The following COL4A1 variants were observed in gnomAD, a reference collection of about 807,000 sequenced individuals.
COL4A1 encodes the protein collagen type IV alpha 1 chain, also known as collagen alpha-1(IV) chain.
In COL4A1, 40 loss-of-function variants were observed where a neutral mutation model predicts 216.6. The ratio of observed to expected loss-of-function variants is 0.18; its 90% CI spans 0.14 to 0.24. COL4A1 has a LOEUF of 0.24. Ranked by LOEUF, COL4A1 falls within the 10% of genes least tolerant of loss-of-function variation. The pLI, the probability that COL4A1 is intolerant of heterozygous loss-of-function variation, is 1.00. For synonymous variants in COL4A1, 839 were observed against 810.7 expected, an observed-to-expected ratio of 1.03 and a Z score of -0.59; for missense variants, 1,628 against 2,196.8, an observed-to-expected ratio of 0.74 and a Z score of 5.18.
At chr13:110,295,413 G>C (rs1254852135) in intron 1 of COL4A1, among the ~76,000 whole-genome samples, 1 of 140,774 alleles carries the variant, frequency 7.1e-6, no homozygotes, top group Non-Finnish European at 1.5e-5. Flanking sequence ...TATTCTTGTA[G>C]TTCACTTCCT....
At chr13:110,217,831 T>C (rs527710303) in intron 2 of COL4A1, among the ~76,000 whole-genome samples, 13 of 152,332 alleles carry the variant, frequency 8.5e-5, no homozygotes, top group African/African-American at 3.1e-4. Context: ...AAATTAGGCA[T>C]TGTAAATTAG....
chr13:110,271,536 C>G (rs1023734857), intron 1 of COL4A1, among the ~76,000 whole-genome samples: 10 of 152,134 alleles, frequency 6.6e-5, no homozygotes, highest in African/African-American at 2.2e-4. Context: ...CATCAGATAA[C>G]CCAGGTTGAA....
chr13:110,164,932 C>A lies in COL4A1; in HGVS notation c.4080G>T (p.Gly1360=), dbSNP rs746538499. Residue 1360 remains glycine, a synonymous_variant, in exon 46 of 52, where the codon GGG becomes GGT. Transcript: ENST00000375820. ...CTGGGGGGCCCTCAGGACCAGGGAGCCCGGGCTCCCCTTTGATGATGTCGT... is the reference window on the plus strand; with the variant it reads ...CTGGGGGGCCCTCAGGACCAGGGAGACCGGGCTCCCCTTTGATGATGTCGT... ...GPYDIIKGEP[G]LPGPEGPPGL... 1 of 1,604,886 alleles carries A rather than the reference C, an allele frequency of 6.2e-7. No homozygotes were observed. Among genetic ancestry groups the A allele is most frequent in the South Asian group, 1.1e-5 (1 of 89,306 alleles).
At chr13:110,291,411 C>T (rs1301849613) in intron 1 of COL4A1, among the ~76,000 whole-genome samples, 1 of 152,178 alleles carries the variant, frequency 6.6e-6, no homozygotes, top group Non-Finnish European at 1.5e-5. Flanking sequence ...TCTTCCATGT[C>T]GGGATGTGCT....
rs558391657 is a variant in COL4A1 at position 110,248,880 on chromosome 13, G to A, written c.85-6146C>T. 2.6e-5 allele frequency among the ~76,000 whole-genome samples: 4 copies of A among 152,288 alleles called. No individual in the cohort carries two copies. The South Asian group carries it at 8.3e-4, about 32-fold the overall frequency. On this transcript the variant is annotated intron_variant, in intron 1 of 51. Coordinates refer to ENST00000375820, the MANE Select transcript of COL4A1 (RefSeq NM_001845.6). ...AAGATAACCACACACAGATGCAGCAGGCACTCACACTTTTTTCGGATAGCG... is the reference window on the plus strand; with the variant it reads ...AAGATAACCACACACAGATGCAGCAAGCACTCACACTTTTTTCGGATAGCG...
chr13:110,161,446 T>G, intron 48 of COL4A1, 77 bp from the exon 49 acceptor site: 2 of 1,487,146 alleles, frequency 1.3e-6, no homozygotes, highest in Non-Finnish European at 1.8e-6. Flanking sequence ...GGATTTCAGC[T>G]GGACAACAAG....
chr13:110,231,763 T>C (rs1208693218), intron 2 of COL4A1, among the ~76,000 whole-genome samples: 5 of 152,202 alleles, frequency 3.3e-5, no homozygotes, highest in African/African-American at 1.2e-4. Context: ...CAGATGTCAT[T>C]CCTTTACCAA....
chr13:110,263,488 C>T (rs1882907312), intron 1 of COL4A1, among the ~76,000 whole-genome samples: 1 of 152,182 alleles, frequency 6.6e-6, no homozygotes, highest in African/African-American at 2.4e-5. Context: ...GGATCTCGCT[C>T]TGTTGCCCAG....
At chr13:110,288,335 A>G (rs1320871819) in intron 1 of COL4A1, among the ~76,000 whole-genome samples, 4 of 151,958 alleles carry the variant, frequency 2.6e-5, no homozygotes, top group Non-Finnish European at 4.4e-5. Context: ...TGCTACTATG[A>G]GCCTTGAAAC....
At chr13:110,283,609 C>A (rs1207350104) in intron 1 of COL4A1, among the ~76,000 whole-genome samples, 1 of 152,214 alleles carries the variant, frequency 6.6e-6, no homozygotes, top group Non-Finnish European at 1.5e-5. Context: ...TACAGGCACA[C>A]ATATGAACAC....
At chr13:110,159,515 G>A (rs1388744823) in intron 49 of COL4A1, among the ~76,000 whole-genome samples, 3 of 152,174 alleles carry the variant, frequency 2.0e-5, no homozygotes, top group African/African-American at 4.8e-5. Flanking sequence ...AATGTAAAGG[G>A]TGTGGCCACT....
intron 21 of COL4A1, 103 bp downstream of exon 21, chr13:110,198,364 T>G (rs552193313): frequency 7.8e-7 from 1 of 1,284,852 alleles, no homozygotes; most frequent in African/African-American, 1.5e-5. Flanking sequence ...GCCTTTCTAT[T>G]ACACTCTGGC....
At chr13:110,230,344 T>A (rs949001633) in intron 2 of COL4A1, among the ~76,000 whole-genome samples, 2 of 151,974 alleles carry the variant, frequency 1.3e-5, no homozygotes, top group East Asian at 3.9e-4. Context: ...GATGTGTGCA[T>A]GCACACATGT....
At chr13:110,233,294 G>A (rs1183018849) in intron 2 of COL4A1, among the ~76,000 whole-genome samples, 1 of 152,124 alleles carries the variant, frequency 6.6e-6, no homozygotes, top group South Asian at 2.1e-4. Flanking sequence ...ATAGGAAATA[G>A]GGGACATCTG....
chr13:110,218,769 G>A (rs1489484519), intron 2 of COL4A1, among the ~76,000 whole-genome samples: 2 of 152,176 alleles, frequency 1.3e-5, no homozygotes, highest in Non-Finnish European at 2.9e-5. Context: ...GGCAAGCTGC[G>A]TTCGGGACCA....
intron 41 of COL4A1, among the ~76,000 whole-genome samples, chr13:110,171,055 G>C (rs1877621097): frequency 6.6e-6 from 1 of 152,240 alleles, no homozygotes; most frequent in African/African-American, 2.4e-5. Context: ...CAACTGCACT[G>C]CTAAACGAAA....
At chr13:110,154,498 G>A (rs1415039362) in intron 50 of COL4A1, among the ~76,000 whole-genome samples, 4 of 152,238 alleles carry the variant, frequency 2.6e-5, no homozygotes, top group African/African-American at 7.2e-5. Context: ...TTTCAAGCTC[G>A]TGCATGTTGT....
chr13:110,266,302 T>C (rs949166140), intron 1 of COL4A1, among the ~76,000 whole-genome samples: 2 of 152,192 alleles, frequency 1.3e-5, no homozygotes, highest in African/African-American at 4.8e-5. Context: ...CAAGGGGAAC[T>C]GGCAAGCCAC....
At chr13:110,228,237 C>CGGGGGGGGGGGGGGGGGGGGGGGG (rs59600040) in intron 2 of COL4A1, among the ~76,000 whole-genome samples, 15 of 118,958 alleles carry the variant, frequency 1.3e-4, no homozygotes, top group Admixed American at 1.6e-4. Context: ...GGTGCGGGGG[C>CGGGGGGGGGGGGGGGGGGGGGGGG]GGGGGGGGGG....
Sources: gnomAD v4.1 joint callset for allele counts (sites outside exome capture counted in the v4.1 genomes callset) on GRCh38, gnomAD v4.1.1 for gene constraint, MANE v1.5 for transcripts, NCBI Gene and HGNC (gene_info 2026-07-23, HGNC 2026-07-21) for gene names.